MAST4: variants seen among roughly 807,000 people sequenced by gnomAD.
MAST4 encodes microtubule-associated serine/threonine-protein kinase 4.
MAST4 carries 89 observed loss-of-function variants against 162.7 expected under a neutral mutation model. The ratio of observed to expected loss-of-function variants is 0.55; its 90% confidence interval spans 0.46 to 0.65. The LOEUF is 0.65. MAST4 is among the 30% of genes least tolerant of loss of function. MAST4 has a pLI of 0.00. For missense variants in MAST4, 3,153 were observed against 3,374.0 expected (o/e 0.93, Z 1.62); for synonymous variants, 1,479 against 1,361.1 (o/e 1.09, Z -1.91).
At chr5:66,994,161 A>G (rs969793083) in intron 4 of MAST4, among the ~76,000 whole-genome samples, 1 of 152,114 alleles carries the variant, frequency 6.6e-6, no homozygotes, top group African/African-American at 2.4e-5. Flanking sequence ...GCATTAATCT[A>G]CACAAGAGAT....
chr5:66,843,982 C>T (rs920466920), intron 3 of MAST4, among the ~76,000 whole-genome samples: 71 of 152,038 alleles, frequency 4.7e-4, no homozygotes, highest in African/African-American at 1.6e-3. Context: ...GGTGGTGGTG[C>T]CCAGTGGCTG....
intron 1 of MAST4, among the ~76,000 whole-genome samples, chr5:66,631,442 T>C (rs547519525): frequency 6.6e-6 from 1 of 152,186 alleles, no homozygotes. Flanking sequence ...TATTTCAATA[T>C]TGGGTCTTGC....
chr5:66,872,150 T>TG (rs1267581419), intron 3 of MAST4, among the ~76,000 whole-genome samples: 12 of 97,994 alleles, frequency 1.2e-4, no homozygotes, highest in South Asian at 6.4e-4. Flanking sequence ...GGATATAAAT[T>TG]TTTTGTTTGT....
Position 67,165,095 on chromosome 5 carries a change from A to G in MAST4, c.5916A>G (p.Glu1972=), listed in dbSNP as rs890989959. ...CAAGGGAGAAGCCAGGCCTGAGGGA[A>G]TCGTCTGAAAGAGGCCCTCCCACAG... ...SPSREKPGLR[E]SSERGPPTAR... The change falls in exon 29 of 29, where the codon GAA becomes GAG. Residue 1972 remains glutamate (E), a synonymous_variant. Coordinates refer to ENST00000403625, the MANE Select transcript of MAST4 (RefSeq NM_001164664.2). 1.3e-6 allele frequency: 2 copies of G among 1,592,596 alleles called. No individual in the cohort carries two copies. Among genetic ancestry groups the G allele is most frequent in the Admixed American group, 1.8e-5 (1 of 56,180 alleles).
chr5:66,890,536 G>C (rs1453700239), intron 3 of MAST4, among the ~76,000 whole-genome samples: 1 of 152,170 alleles, frequency 6.6e-6, no homozygotes, highest in Non-Finnish European at 1.5e-5. Context: ...TAAAAGGTCT[G>C]TGTTAAAAGT....
At chr5:67,033,840 T>C (rs1228842492) in intron 4 of MAST4, among the ~76,000 whole-genome samples, 3 of 152,156 alleles carry the variant, frequency 2.0e-5, no homozygotes, top group Non-Finnish European at 4.4e-5. Context: ...TGTCAAATAA[T>C]ATGGCATTGT....
intron 1 of MAST4, among the ~76,000 whole-genome samples, chr5:66,737,665 T>G (rs1580330541): frequency 6.6e-6 from 1 of 152,170 alleles, no homozygotes; most frequent in Admixed American, 6.5e-5. Context: ...TCCTTTGAGG[T>G]CCTGTGCTTT....
chr5:66,845,646 G>C (rs1446194678), intron 3 of MAST4, among the ~76,000 whole-genome samples: 2 of 152,084 alleles, frequency 1.3e-5, no homozygotes, highest in Non-Finnish European at 2.9e-5. Context: ...GGATGGCTGG[G>C]TCAAATTGTA....
At chr5:66,924,777 G>A (rs1283291442) in intron 4 of MAST4, among the ~76,000 whole-genome samples, 3 of 152,094 alleles carry the variant, frequency 2.0e-5, no homozygotes. Flanking sequence ...AAGAAAAAAT[G>A]CATTTAAAAT....
At chr5:66,817,982 A>C (rs997533708) in intron 3 of MAST4, among the ~76,000 whole-genome samples, 3 of 152,266 alleles carry the variant, frequency 2.0e-5, no homozygotes, top group Non-Finnish European at 2.9e-5. Context: ...TTAAACGTCT[A>C]CTGTCATTTT....
chr5:66,711,838 C>G (rs758204117), intron 1 of MAST4, among the ~76,000 whole-genome samples: 1 of 151,922 alleles, frequency 6.6e-6, no homozygotes, highest in South Asian at 2.1e-4. Flanking sequence ...CTGCCCCCCA[C>G]CCCCCAAAAA....
At chr5:66,599,536 A>G (rs1742421775) in intron 1 of MAST4, among the ~76,000 whole-genome samples, 1 of 152,216 alleles carries the variant, frequency 6.6e-6, no homozygotes, top group Non-Finnish European at 1.5e-5. Flanking sequence ...ATCCTAGCAC[A>G]GTAGCTAACA....
At chr5:66,927,902 C>A (rs957119082) in intron 4 of MAST4, among the ~76,000 whole-genome samples, 2 of 152,182 alleles carry the variant, frequency 1.3e-5, no homozygotes, top group African/African-American at 4.8e-5. Flanking sequence ...CTTCTAGCTT[C>A]TGGTGGTTTG....
At chr5:66,597,353 AC>A (rs1742258018) in intron 1 of MAST4, among the ~76,000 whole-genome samples, 1 of 151,846 alleles carries the variant, frequency 6.6e-6, no homozygotes. Context: ...CCCACAACTC[AC>A]CTCTGATTCT....
intron 4 of MAST4, among the ~76,000 whole-genome samples, chr5:66,946,883 G>A (rs1001162157): frequency 6.6e-6 from 1 of 152,112 alleles, no homozygotes; most frequent in Non-Finnish European, 1.5e-5. Flanking sequence ...TAATAATTCT[G>A]TGCCTTTGGG....
chr5:66,616,988 G>A (rs193061426), intron 1 of MAST4, among the ~76,000 whole-genome samples: 125 of 152,266 alleles, frequency 8.2e-4, no homozygotes, highest in Non-Finnish European at 1.1e-3. Flanking sequence ...TAACTAAAGT[G>A]GTTGAGCCTT....
At chr5:66,942,985 C>T (rs1298400041) in intron 4 of MAST4, among the ~76,000 whole-genome samples, 1 of 152,038 alleles carries the variant, frequency 6.6e-6, no homozygotes, top group African/African-American at 2.4e-5. Context: ...CTTCATATGG[C>T]TGTAGGTAGA....
chr5:67,006,565 C>T (rs578062948), intron 4 of MAST4, among the ~76,000 whole-genome samples: 1 of 152,318 alleles, frequency 6.6e-6, no homozygotes, highest in Admixed American at 6.5e-5. Context: ...GTCCTGGCTG[C>T]GGTACAGCCT....
At chr5:67,005,821 ATTG>A (rs1751960658) in intron 4 of MAST4, among the ~76,000 whole-genome samples, 2 of 152,234 alleles carry the variant, frequency 1.3e-5, no homozygotes, top group South Asian at 4.1e-4. Flanking sequence ...GAAAAGTAAG[ATTG>A]TTGTACTTTT....
Sources: allele counts gnomAD v4.1 joint callset (sites outside exome capture counted in the v4.1 genomes callset), GRCh38; gene constraint gnomAD v4.1.1; transcripts MANE v1.5; gene names NCBI Gene and HGNC (gene_info 2026-07-23, HGNC 2026-07-21).